FXR1: variants seen among roughly 807,000 people sequenced by gnomAD.
FXR1 encodes FMR1 autosomal homolog 1.
A neutral mutation model predicts 84.0 loss-of-function variants in FXR1; 15 were observed. The observed-to-expected ratio is 0.18, with a 90% CI of 0.12 to 0.27. The LOEUF is 0.27. FXR1 is among the 10% of genes least tolerant of loss of function. The pLI is 1.00. For missense variants in FXR1, 480 were observed against 774.4 expected (o/e 0.62, Z 4.51); for synonymous variants, 245 against 250.7 (o/e 0.98, Z 0.21).
intron 10 of FXR1, among the ~76,000 whole-genome samples, chr3:180,960,910 G>A (rs752049390): frequency 3.3e-5 from 5 of 152,018 alleles, no homozygotes; most frequent in Admixed American, 2.0e-4. Flanking sequence ...AGTAAATTGG[G>A]GTGCAAATAT....
At position 180,976,219 on chromosome 3, in the gene FXR1, CAGG is replaced by C; in HGVS notation, c.1796_1798del (p.Gly599del). 2 of 1,612,066 alleles carry C rather than the reference CAGG, an allele frequency of 1.2e-6. No homozygotes were observed. Among genetic ancestry groups the C allele is most frequent in the Non-Finnish European group, 1.7e-6 (2 of 1,178,324 alleles). On this transcript the variant is annotated inframe_deletion, in exon 17 of 17. Coordinates refer to ENST00000357559, the MANE Select transcript of FXR1 (RefSeq NM_005087.4). ...GACATTTCTAAGCTACAGCGTACTC[CAGG>C]AGAAGAAAAGATTAATACCTTAAAA... is the stretch of plus-strand genomic sequence containing the variant.
Position 180,935,862 on chromosome 3 carries a change from C to T in FXR1, c.198+631C>T, listed in dbSNP as rs532971687. Among the ~76,000 whole-genome samples the T allele has an allele frequency of 3.0e-4, 45 of 152,260 alleles. 1 individual carries two copies. The East Asian group carries it at 5.4e-3, about 18-fold the overall frequency. On this transcript the variant is annotated intron_variant, in intron 3 of 16. Transcript: ENST00000357559. Reference sequence around the variant, plus strand: ...TGATGGGATTACAGGCGTGAGCCACCGTGCCCGGCCCTACAAACATTTTAT... The same window carrying T: ...TGATGGGATTACAGGCGTGAGCCACTGTGCCCGGCCCTACAAACATTTTAT...
Position 180,933,393 on chromosome 3 carries a change from T to C in FXR1, c.104+7T>C. 1 of 1,530,028 alleles carries C rather than the reference T, an allele frequency of 6.5e-7. No homozygotes were observed. The highest frequency in any genetic ancestry group is 9.1e-7 in the Non-Finnish European group (1 of 1,104,078). The allele number at this position is 1,530,028 out of a possible 1,614,324, so 94.8% of individuals were successfully genotyped here. On this transcript the variant is annotated splice_region_variant and intron_variant, in intron 2 of 16. Coordinates refer to ENST00000357559, the MANE Select transcript of FXR1 (RefSeq NM_005087.4). ...CAGTTGTTTTTGAAAATAAGTAAGT[T>C]ATTTTTGTTGACAAAGGCCTTAATT...
rs1305701461 is a variant in FXR1, at chr3:180,980,700, C to T, written c.*4408C>T. 6.6e-6 allele frequency: 1 copy of T among 152,000 alleles called. No homozygotes were observed. The highest frequency in any genetic ancestry group is 2.4e-5 in the African/African-American group (1 of 41,392). The allele number at this position is 152,000 out of a possible 1,614,324, so 9.4% of individuals were successfully genotyped here. Reference sequence around the variant, plus strand: ...TAACAGATTATCCCATATCATTGGACTGTTCTATTATTGGGTCAGGAATAA... The same window carrying T: ...TAACAGATTATCCCATATCATTGGATTGTTCTATTATTGGGTCAGGAATAA... On this transcript the variant is annotated 3_prime_UTR_variant, in exon 17 of 17. Transcript: ENST00000357559.
At chr3:180,958,348 CACTGTAT>C in intron 10 of FXR1, among the ~76,000 whole-genome samples, 1 of 152,054 alleles carries the variant, frequency 6.6e-6, no homozygotes, top group East Asian at 1.9e-4. Flanking sequence ...GAGCACTGTA[CACTGTAT>C]CCAATATGTA....
intron 1 of FXR1, 30 bp downstream of exon 1, chr3:180,912,766 G>A: frequency 1.2e-6 from 2 of 1,614,068 alleles, no homozygotes; most frequent in South Asian, 1.1e-5. Flanking sequence ...TTTGTCGAGT[G>A]TTCTGGGTGC....
intron 3 of FXR1, among the ~76,000 whole-genome samples, chr3:180,936,898 T>C (rs1720585236): frequency 6.6e-6 from 1 of 152,138 alleles, no homozygotes; most frequent in African/African-American, 2.4e-5. Flanking sequence ...ACTATCTGTG[T>C]GTATTAGAGT....
chr3:180,980,562 A>T lies in FXR1; in HGVS notation c.*4270A>T, dbSNP rs951179537. The T allele has an allele frequency of 1.3e-5, 2 of 151,998 alleles. No individual in the cohort carries two copies. The allele number at this position is 151,998 out of a possible 1,614,324, so 9.4% of individuals were successfully genotyped here. On this transcript the variant is annotated 3_prime_UTR_variant, in exon 17 of 17. Coordinates refer to ENST00000357559, the MANE Select transcript of FXR1 (RefSeq NM_005087.4). ...CTTGGTTGCTTACATTTCAACCTCT[A>T]GGCTTCCTTTTTCAGCTAACTTGGC... is the stretch of plus-strand genomic sequence containing the variant.
rs188314095 is a variant in FXR1, at chr3:180,913,484, T to G, written c.51+748T>G. Among the ~76,000 whole-genome samples the G allele has an allele frequency of 3.9e-5, 6 of 152,280 alleles. 1 individual carries two copies. The highest frequency in any genetic ancestry group is 3.9e-4 in the Admixed American group (6 of 15,294). On this transcript the variant is annotated intron_variant, in intron 1 of 16. Transcript: ENST00000357559. ...TGGAGAGGTGACTAATTTCTTTATA[T>G]CACTGCCCCTGTTTTTGGAGGGAGG...
intron 1 of FXR1, among the ~76,000 whole-genome samples, chr3:180,924,374 C>T (rs979541773): frequency 4.6e-5 from 7 of 152,272 alleles, no homozygotes; most frequent in African/African-American, 7.2e-5. Flanking sequence ...TTACACACAG[C>T]GGATGCCTTA....
At chr3:180,973,304 G>A (rs1010471) in intron 15 of FXR1, among the ~76,000 whole-genome samples, 75,531 of 152,016 alleles carry the variant, frequency 0.5, 21,461 homozygotes, top group African/African-American at 0.79. Context: ...ATATTATTCT[G>A]TCTCTGTACA....
At chr3:180,916,978 G>T (rs1717970134) in intron 1 of FXR1, among the ~76,000 whole-genome samples, 1 of 152,098 alleles carries the variant, frequency 6.6e-6, no homozygotes, top group South Asian at 2.1e-4. Flanking sequence ...GGTATTTCAG[G>T]GACGCACCAC....
At chr3:180,936,597 C>G (rs1720555247) in intron 3 of FXR1, among the ~76,000 whole-genome samples, 1 of 152,148 alleles carries the variant, frequency 6.6e-6, no homozygotes, top group Non-Finnish European at 1.5e-5. Flanking sequence ...TTTCTTTGAG[C>G]TCTCATTAAT....
intron 10 of FXR1, among the ~76,000 whole-genome samples, chr3:180,958,359 A>G (rs188680439): frequency 1.8e-3 from 279 of 152,196 alleles, no homozygotes; most frequent in African/African-American, 6.2e-3. Flanking sequence ...ACTGTATCCA[A>G]TATGTAGTCT....
Position 180,970,339 on chromosome 3 carries a change from A to C in FXR1, c.1584A>C (p.Ser528=). Residue 528 remains serine, a synonymous_variant, in exon 15 of 17, where the codon TCA becomes TCC. Transcript: ENST00000357559. ...GAATGACTGAATCTGATACAGCTTC[A>C]GTTAATGAAAATGGGCTAGGTATGT... is the stretch of plus-strand genomic sequence containing the variant. The part of the protein sequence containing the change: ...MDGMTESDTA[S]VNENGLVTVA... The C allele has an allele frequency of 6.4e-7, 1 of 1,565,872 alleles. No homozygotes were observed. Among genetic ancestry groups the C allele is most frequent in the African/African-American group, 1.4e-5 (1 of 72,524 alleles).
chr3:180,949,413 T>G (rs1721994324), intron 7 of FXR1, 70 bp downstream of exon 7: 1 of 824,308 alleles, frequency 1.2e-6, no homozygotes. Flanking sequence ...TGGAGACAGA[T>G]TCTGGCTCTG....
chr3:180,914,872 T>G, intron 1 of FXR1: 7 of 983,902 alleles, frequency 7.1e-6, no homozygotes, highest in Non-Finnish European at 8.4e-6. Context: ...TGGAATTTTA[T>G]GTCCAGCCAT....
At chr3:180,960,047 T>A (rs1711895983) in intron 10 of FXR1, among the ~76,000 whole-genome samples, 1 of 152,154 alleles carries the variant, frequency 6.6e-6, no homozygotes, top group Non-Finnish European at 1.5e-5. Flanking sequence ...TTGGGGGAGT[T>A]AAGCTTTACT....
At chr3:180,965,947 A>C (rs567312830) in intron 13 of FXR1, among the ~76,000 whole-genome samples, 1 of 152,292 alleles carries the variant, frequency 6.6e-6, no homozygotes, top group African/African-American at 2.4e-5. Flanking sequence ...ACTACACTGG[A>C]TTTCTAAGGA....
Sources: gnomAD v4.1 joint callset for allele counts (sites outside exome capture counted in the v4.1 genomes callset) on GRCh38, gnomAD v4.1.1 for gene constraint, MANE v1.5 for transcripts, NCBI Gene and HGNC (gene_info 2026-07-23, HGNC 2026-07-21) for gene names.